The following POLD1 variants were observed in gnomAD, a reference collection of about 807,000 sequenced individuals.
POLD1 encodes DNA polymerase delta 1, catalytic subunit.
A neutral mutation model predicts 129.7 loss-of-function variants in POLD1; 79 were observed. That is an observed-to-expected ratio of 0.61 (90% confidence interval 0.51 to 0.73). POLD1 has a LOEUF of 0.73. Among genes scored for constraint, POLD1 ranks in the 30% least tolerant of loss-of-function variants. The pLI is 0.00. For missense variants in POLD1, 1,338 were observed against 1,595.8 expected (o/e 0.84, Z 2.75); for synonymous variants, 714 against 683.3 (o/e 1.04, Z -0.70).
In POLD1 at chr19:50,406,217, C is replaced by T. The variant is rs751077073; in HGVS notation, c.1278C>T (p.Gly426=). ...QTFPFLGRVA[G]LCSNIRDSSF... ...TCCCTTTCCTGGGCCGTGTGGCCGG[C>T]CTTTGCTCCAACATCCGGGACTCTT... Residue 426 remains glycine, a synonymous_variant, in exon 11 of 27, where the codon GGC becomes GGT. Transcript: ENST00000440232. This position sits in a 1 kb window ranked among gnomAD's most constrained non-coding sequence, Gnocchi z 5.5. 8 of 1,613,990 alleles carry T rather than the reference C, an allele frequency of 5.0e-6. No homozygotes were observed. The highest frequency in any genetic ancestry group is 1.6e-4 in the Middle Eastern group (1 of 6,062).
Position 50,406,179 on chromosome 19 carries a change from CAGGT to C in POLD1, c.1243-1_1245del. ...TGCTGCACACCCTGCCTCTCCTCCT[CAGGT>C]ACAAACATTCCCTTTCCTGGGCCGT... On this transcript the variant is annotated splice_acceptor_variant and coding_sequence_variant, in exon 11 of 27. Transcript: ENST00000440232. LOFTEE classifies it high-confidence loss of function. This position sits in a 1 kb window ranked among gnomAD's most constrained non-coding sequence, Gnocchi z 5.5. The C allele has an allele frequency of 6.2e-7, 1 of 1,611,678 alleles. No individual in the cohort carries two copies. The highest frequency in any genetic ancestry group is 1.1e-5 in the South Asian group (1 of 90,962).
chr19:50,409,752 CCAGAGGACT>C lies in POLD1; in HGVS notation c.2154+87_2154+95del. The C allele has an allele frequency of 7.0e-7, 1 of 1,423,428 alleles. No individual in the cohort carries two copies. The highest frequency in any genetic ancestry group is 2.2e-5 in the Admixed American group (1 of 44,712). 88.2% of individuals were successfully genotyped at this position (1,423,428 alleles called of 1,614,324 possible). A position where few individuals can be genotyped will look rare whatever the true frequency, so the allele number is the denominator to read the frequency against. ...AGGGCTCCATGTGGGGGACCTGTAT[CCAGAGGACT>C]GGGCACCCCAACTCACTGGCCTTCT... On this transcript the variant is annotated intron_variant, in intron 17 of 26. Transcript: ENST00000440232. The surrounding 1 kb of genome is among the most constrained non-coding windows in gnomAD (Gnocchi z 5.8).
rs753958948 is a variant in POLD1 at position 50,402,755 on chromosome 19, C to A, written c.970+14C>A. The A allele has an allele frequency of 6.3e-7, 1 of 1,575,868 alleles. No homozygotes were observed. The highest frequency in any genetic ancestry group is 2.3e-5 in the East Asian group (1 of 44,154). On this transcript the variant is annotated intron_variant, in intron 8 of 26. Transcript: ENST00000440232. Reference sequence around the variant, plus strand: ...CCGGCCGCAAAGGTCTGTCCCCGGGCCCGGGCTCCTGCCCGCCTCATTGAT... The same window carrying A: ...CCGGCCGCAAAGGTCTGTCCCCGGGACCGGGCTCCTGCCCGCCTCATTGAT...
At chr19:50,413,058 G>A (rs868279868) in intron 17 of POLD1, among the ~76,000 whole-genome samples, 1 of 152,172 alleles carries the variant, frequency 6.6e-6, no homozygotes, top group Non-Finnish European at 1.5e-5. Flanking sequence ...CTGGCTTCCA[G>A]GGATGGGGCT....
In POLD1 at chr19:50,416,720, C is replaced by A. The variant is rs2039311275; in HGVS notation, c.3064C>A (p.Gln1022Lys). ...TGGCTGCCGCACAGTGCTCAGCCACCAGGGTGAGCGGCCCTGGCCACTGGG... is the reference window on the plus strand; with the variant it reads ...TGGCTGCCGCACAGTGCTCAGCCACAAGGGTGAGCGGCCCTGGCCACTGGG... ...CIGCRTVLSH[Q>K]GAVCEFCQPR... The change falls in exon 24 of 27, where the codon CAG (glutamine) becomes AAG (lysine). Residue 1022 changes from glutamine (Q) to lysine (K), a missense_variant. Physicochemically the swap from Gln to Lys is moderately conservative, Grantham distance 53. Transcript: ENST00000440232. 1.3e-6 allele frequency: 2 copies of A among 1,533,198 alleles called. No homozygotes were observed. The highest frequency in any genetic ancestry group is 1.7e-6 in the Non-Finnish European group (2 of 1,143,102). The allele number at this position is 1,533,198 out of a possible 1,614,324, so 95.0% of individuals were successfully genotyped here.
intron 14 of POLD1, among the ~76,000 whole-genome samples, chr19:50,408,526 G>T (rs1215064760): frequency 6.6e-6 from 1 of 151,768 alleles, no homozygotes; most frequent in Non-Finnish European, 1.5e-5. Flanking sequence ...GACCACAGGC[G>T]TGCACCACCA....
rs1555792878 is a variant in POLD1, at chr19:50,414,939, C to T, written c.2513C>T (p.Pro838Leu). 6.2e-7 allele frequency: 1 copy of T among 1,608,778 alleles called. No individual in the cohort carries two copies. The highest frequency in any genetic ancestry group is 8.5e-7 in the Non-Finnish European group (1 of 1,176,940). The change falls in exon 20 of 27, where the codon CCC (proline) becomes CTC (leucine). Residue 838 changes from proline (P) to leucine (L), a missense_variant. Physicochemically the swap from Pro to Leu is moderately conservative, Grantham distance 98. Around this residue, in one of 3 missense-constraint regions of POLD1, gnomAD observed 720 missense variants for 1,002.6 expected, o/e 0.72. Transcript: ENST00000440232. ...GLEAVRRDNCPLVANLVTASL... is the reference protein window; with the variant it reads ...GLEAVRRDNCLLVANLVTASL... ...GAGGCCGTGCGCAGGGACAACTGCCCCCTCGTGGCCAACCTGGTCACTGCC... is the reference window on the plus strand; with the variant it reads ...GAGGCCGTGCGCAGGGACAACTGCCTCCTCGTGGCCAACCTGGTCACTGCC...
At chr19:50,390,581 T>TG (rs1308604184) in intron 1 of POLD1, among the ~76,000 whole-genome samples, 3 of 152,086 alleles carry the variant, frequency 2.0e-5, no homozygotes, top group Non-Finnish European at 4.4e-5. Flanking sequence ...TATTTTTTTT[T>TG]TTTTTTTAGT....
rs1411727570 is a variant in POLD1, at chr19:50,416,450, G to A, written c.2875G>A (p.Glu959Lys). Reference sequence around the variant, plus strand: ...GCCCATTGACACGCAGTACTACCTGGAGCAGCAGCTGGCCAAGCCCCTCCT... The same window carrying A: ...GCCCATTGACACGCAGTACTACCTGAAGCAGCAGCTGGCCAAGCCCCTCCT... ...SLPIDTQYYL[E>K]QQLAKPLLRI... The change falls in exon 23 of 27, where the codon GAG becomes AAG. Residue 959 changes from glutamate to lysine, a missense_variant. Glu to Lys is a moderately conservative substitution (Grantham distance 56). Coordinates refer to ENST00000440232, the MANE Select transcript of POLD1 (RefSeq NM_002691.4). The A allele has an allele frequency of 2.6e-6, 4 of 1,549,966 alleles. No individual in the cohort carries two copies. Among genetic ancestry groups the A allele is most frequent in the Non-Finnish European group, 3.5e-6 (4 of 1,147,566 alleles).
chr19:50,407,234 G>A, intron 13 of POLD1, 60 bp downstream of exon 13: 4 of 1,558,338 alleles, frequency 2.6e-6, no homozygotes, highest in Non-Finnish European at 3.5e-6. Context: ...GCCCCCTCCA[G>A]GCAATGGCAT....
chr19:50,415,925 C>A, intron 22 of POLD1, 99 bp downstream of exon 22: 1 of 894,712 alleles, frequency 1.1e-6, no homozygotes, highest in Non-Finnish European at 1.7e-6. Context: ...GCCTCCCGTG[C>A]CCTGTGGGGC....
chr19:50,407,415 G>A lies in POLD1; in HGVS notation c.1775G>A (p.Gly592Glu). ...GCCACTGTCATCGAGCCCCTCAAAG[G>A]GTGAGGCCCCAGGCTGGGTGCAGTT... ...TGATVIEPLK[G>E]YYDVPIATLD... The change falls in exon 14 of 27, where the codon GGG becomes GAG. Residue 592 changes from glycine to glutamate, a missense_variant and splice_region_variant. Coordinates refer to ENST00000440232, the MANE Select transcript of POLD1 (RefSeq NM_002691.4). 6.3e-7 allele frequency: 1 copy of A among 1,596,932 alleles called. No homozygotes were observed. The highest frequency in any genetic ancestry group is 8.6e-7 in the Non-Finnish European group (1 of 1,169,274).
intron 1 of POLD1, among the ~76,000 whole-genome samples, chr19:50,391,562 C>T (rs993927324): frequency 1.3e-5 from 2 of 152,070 alleles, no homozygotes; most frequent in East Asian, 1.9e-4. Context: ...TCAGGCATGG[C>T]GGTGCGTGCC....
chr19:50,401,297 A>G (rs771034274), intron 3 of POLD1, among the ~76,000 whole-genome samples: 71 of 144,250 alleles, frequency 4.9e-4, no homozygotes, highest in East Asian at 1.2e-3. Flanking sequence ...TATATTATAT[A>G]TTAATATATT....
rs770291150 is a variant in POLD1 at position 50,402,538 on chromosome 19, GCAGGGCTTCC to G, written c.840+10_840+19del. On this transcript the variant is annotated splice_donor_5th_base_variant and intron_variant, in intron 7 of 26. Coordinates refer to ENST00000440232, the MANE Select transcript of POLD1 (RefSeq NM_002691.4). The stretch of plus-strand genomic sequence containing the variant: ...ACGCCCTGAGGCTGAAGGAGAAGGT[GCAGGGCTTCC>G]CAGGGCAGGGCTGGGTGGGGAGCTG... The G allele has an allele frequency of 2.5e-6, 4 of 1,594,284 alleles. No individual in the cohort carries two copies. In the Admixed American group the frequency reaches 5.3e-5, roughly 21 times the overall value.
chr19:50,400,567 C>T (rs2038560865), intron 3 of POLD1, among the ~76,000 whole-genome samples: 1 of 126,258 alleles, frequency 7.9e-6, no homozygotes, highest in African/African-American at 3.1e-5. Flanking sequence ...GAGTCTCCCT[C>T]TGTCACCCAG....
rs748082614 is a variant in POLD1 at position 50,416,533 on chromosome 19, G to A, written c.2953+5G>A. On this transcript the variant is annotated splice_donor_5th_base_variant and intron_variant, in intron 23 of 26. Coordinates refer to ENST00000440232, the MANE Select transcript of POLD1 (RefSeq NM_002691.4). ...GTGCCGAGGCTGTGCTACTGCGTAC[G>A]GGGGCACCAGGGGACTGGGGGCACC... 3 of 1,551,094 alleles carry A rather than the reference G, an allele frequency of 1.9e-6. No homozygotes were observed. Among genetic ancestry groups the A allele is most frequent in the Non-Finnish European group, 2.6e-6 (3 of 1,149,694 alleles).
At position 50,415,418 on chromosome 19, in the gene POLD1, T is replaced by C. The variant is rs766492491; in HGVS notation, c.2565-20T>C. 6.2e-7 allele frequency: 1 copy of C among 1,603,698 alleles called. No individual in the cohort carries two copies. Among genetic ancestry groups the C allele is most frequent in the South Asian group, 1.1e-5 (1 of 90,770 alleles). ...CCCTCAGTGCCTTTTGGTGACGCTG[T>C]GCGGCCCGCTCTCCTACAGAGACCC... On this transcript the variant is annotated intron_variant, in intron 20 of 26. Transcript: ENST00000440232.
intron 1 of POLD1, among the ~76,000 whole-genome samples, chr19:50,395,876 C>CTTTTTTTTTT (rs774272686): frequency 1.4e-4 from 10 of 73,658 alleles, no homozygotes; most frequent in African/African-American, 3.9e-4. Context: ...AGGATATATA[C>CTTTTTTTTTT]TTTTTTTTTT....
Sources: gnomAD v4.1 joint callset for allele counts (sites outside exome capture counted in the v4.1 genomes callset) on GRCh38, gnomAD v4.1.1 for gene constraint, gnomAD v4.1.1 regional missense constraint, Gnocchi (gnomAD v3.1) non-coding constraint, MANE v1.5 for transcripts, NCBI Gene and HGNC (gene_info 2026-07-23, HGNC 2026-07-21) for gene names.